KIF6: variants seen among roughly 807,000 people sequenced by gnomAD.
The protein encoded by KIF6 is kinesin family member 6, also known as kinesin-like protein KIF6.
In KIF6, 106 loss-of-function variants were observed where a neutral mutation model predicts 112.7. That is an observed-to-expected ratio of 0.94 (90% CI 0.80 to 1.11). KIF6 has a LOEUF of 1.11. Among genes scored for constraint, KIF6 ranks in the 50% least tolerant of loss-of-function variants. KIF6 has a pLI of 0.00. For missense variants in KIF6, 929 were observed against 964.0 expected (o/e 0.96, Z 0.48); for synonymous variants, 339 against 339.9 (o/e 1.00, Z 0.03).
chr6:39,573,520 T>C (rs56194183), intron 10 of KIF6, among the ~76,000 whole-genome samples: 4,664 of 152,216 alleles, frequency 0.031, 106 homozygotes, highest in Middle Eastern at 0.054. Context: ...TGTGAACGAG[T>C]GCCAAATTTA....
chr6:39,450,928 T>C (rs567647033), intron 13 of KIF6, among the ~76,000 whole-genome samples: 413 of 152,370 alleles, frequency 2.7e-3, no homozygotes, highest in African/African-American at 9.6e-3. Context: ...TTTTGTAGCC[T>C]GTTTATTTTA....
At chr6:39,458,428 A>G (rs879287210) in intron 13 of KIF6, among the ~76,000 whole-genome samples, 474 of 143,056 alleles carry the variant, frequency 3.3e-3, no homozygotes, top group Middle Eastern at 0.014. Context: ...CTGAATGGGC[A>G]AAAACTGGAA....
chr6:39,569,879 A>G (rs961962499), intron 10 of KIF6, among the ~76,000 whole-genome samples: 5 of 152,238 alleles, frequency 3.3e-5, no homozygotes, highest in African/African-American at 9.6e-5. Context: ...ACAGTGCCCA[A>G]CATGGTCCTG....
At chr6:39,373,897 C>T (rs1164166462) in intron 16 of KIF6, among the ~76,000 whole-genome samples, 1 of 152,130 alleles carries the variant, frequency 6.6e-6, no homozygotes, top group Non-Finnish European at 1.5e-5. Context: ...TCATCTGGAA[C>T]CACAAAAGAC....
chr6:39,333,973 C>T lies in KIF6; in HGVS notation c.*2559G>A, dbSNP rs1010816430. 3 of 152,370 alleles carry T rather than the reference C, an allele frequency of 2.0e-5. No homozygotes were observed. The highest frequency in any genetic ancestry group is 7.2e-5 in the African/African-American group (3 of 41,590). 9.4% of individuals were successfully genotyped at this position (152,370 alleles called of 1,614,324 possible). On this transcript the variant is annotated 3_prime_UTR_variant, in exon 23 of 23. Transcript: ENST00000287152. ...TCTTTTCAAAACATTGCATCAATTT[C>T]TCCCATTTGCAGAGGCCAGTGAACT...
At position 39,543,864 on chromosome 6, in the gene KIF6, C is replaced by G. The variant is rs561100783; in HGVS notation, c.1426+691G>C. ...CACATGCTCCCATGGGCTACTACCA[C>G]TTTCAGCACCCAAAATACACTGCCT... On this transcript the variant is annotated intron_variant, in intron 12 of 22. Transcript: ENST00000287152. 3.9e-5 allele frequency among the ~76,000 whole-genome samples: 6 copies of G among 152,280 alleles called. No individual in the cohort carries two copies. The South Asian group carries it at 8.3e-4, about 21-fold the overall frequency.
chr6:39,576,152 G>A (rs1780963185), intron 10 of KIF6, among the ~76,000 whole-genome samples: 1 of 151,790 alleles, frequency 6.6e-6, no homozygotes, highest in Non-Finnish European at 1.5e-5. Context: ...CTTTTTTTGA[G>A]ATGGAGTTTC....
At chr6:39,352,508 A>G (rs369603783) in intron 19 of KIF6, among the ~76,000 whole-genome samples, 8 of 152,238 alleles carry the variant, frequency 5.3e-5, no homozygotes, top group African/African-American at 1.9e-4. Context: ...CCAGAATGTT[A>G]TATAGTTGGA....
chr6:39,444,545 T>A (rs888069850), intron 13 of KIF6, among the ~76,000 whole-genome samples: 1 of 152,130 alleles, frequency 6.6e-6, no homozygotes, highest in African/African-American at 2.4e-5. Context: ...GATCTTAAGA[T>A]CTCTTTTAGC....
intron 10 of KIF6, among the ~76,000 whole-genome samples, chr6:39,547,071 A>G (rs936150970): frequency 6.6e-6 from 1 of 152,226 alleles, no homozygotes; most frequent in Non-Finnish European, 1.5e-5. Flanking sequence ...ATCAGTATCT[A>G]TGATGTTATG....
At chr6:39,594,952 C>A (rs1277180629) in intron 7 of KIF6, among the ~76,000 whole-genome samples, 1 of 152,062 alleles carries the variant, frequency 6.6e-6, no homozygotes, top group Non-Finnish European at 1.5e-5. Context: ...CTAATTCAAT[C>A]CACTCATTTT....
At chr6:39,626,736 C>T (rs904359567) in intron 5 of KIF6, among the ~76,000 whole-genome samples, 3 of 152,082 alleles carry the variant, frequency 2.0e-5, no homozygotes, top group Non-Finnish European at 4.4e-5. Context: ...GGGATTCAGG[C>T]AAACCTCCGG....
At chr6:39,649,080 T>C (rs1785326378) in intron 3 of KIF6, among the ~76,000 whole-genome samples, 1 of 151,972 alleles carries the variant, frequency 6.6e-6, no homozygotes, top group Admixed American at 6.6e-5. Flanking sequence ...GGAGGATCAC[T>C]TGATCCCAGG....
At chr6:39,581,828 T>C (rs568050607) in intron 9 of KIF6, among the ~76,000 whole-genome samples, 7 of 152,302 alleles carry the variant, frequency 4.6e-5, no homozygotes, top group Admixed American at 3.9e-4. Flanking sequence ...GCTTAGTTTT[T>C]GGGCCCTGGA....
chr6:39,699,256 C>T (rs1788731885), intron 3 of KIF6, among the ~76,000 whole-genome samples: 1 of 151,722 alleles, frequency 6.6e-6, no homozygotes. Context: ...GTGAGGAATG[C>T]CATGGTGGTT....
chr6:39,705,736 T>G (rs1789169145), intron 3 of KIF6, among the ~76,000 whole-genome samples: 1 of 152,206 alleles, frequency 6.6e-6, no homozygotes, highest in Non-Finnish European at 1.5e-5. Flanking sequence ...CTTTGCCCCT[T>G]GGGTGGGACA....
rs58810898 is a variant in KIF6, at chr6:39,349,631, C to CTTTTTTTT, written c.2181-3113_2181-3106dup. Among the ~76,000 whole-genome samples, 161 of 64,554 alleles carry CTTTTTTTT rather than the reference C, an allele frequency of 2.5e-3. 22 individuals carry two copies. Among genetic ancestry groups the CTTTTTTTT allele is most frequent in the African/African-American group, 9.1e-3 (141 of 15,490 alleles). The allele number at this position is 64,554 out of a possible 152,430, so 42.3% of individuals were successfully genotyped here. A position where few individuals can be genotyped will look rare whatever the true frequency, so the allele number is the denominator to read the frequency against. The stretch of plus-strand genomic sequence containing the variant: ...GAAGGTCTAGGTTTAATTTGTGGCT[C>CTTTTTTTT]TTTTTTTTTTTTTTTTTTTTTTTTT... On this transcript the variant is annotated intron_variant, in intron 19 of 22. Transcript: ENST00000287152.
At chr6:39,563,835 C>T (rs1191904824) in intron 10 of KIF6, among the ~76,000 whole-genome samples, 2 of 152,186 alleles carry the variant, frequency 1.3e-5, no homozygotes, top group Non-Finnish European at 2.9e-5. Flanking sequence ...GCTCATTATA[C>T]CCTCACCAAC....
intron 9 of KIF6, 103 bp from the exon 10 acceptor site, chr6:39,578,262 C>A: frequency 5.3e-5 from 37 of 692,124 alleles, no homozygotes; most frequent in South Asian, 9.1e-5. Flanking sequence ...TTTATGGACA[C>A]AAAAATGGGT....
Sources: allele counts gnomAD v4.1 joint callset (sites outside exome capture counted in the v4.1 genomes callset), GRCh38; gene constraint gnomAD v4.1.1; transcripts MANE v1.5; gene names NCBI Gene and HGNC (gene_info 2026-07-23, HGNC 2026-07-21).